The following KCNQ1 variants were observed in gnomAD, a reference collection of about 807,000 sequenced individuals.
KCNQ1 encodes potassium voltage-gated channel subfamily KQT member 1.
In KCNQ1, 49 loss-of-function variants were observed where a neutral mutation model predicts 72.4. The ratio of observed to expected loss-of-function variants is 0.68; its 90% confidence interval spans 0.54 to 0.86. The LOEUF (loss-of-function observed/expected upper bound fraction) is 0.86. Ranked by LOEUF, KCNQ1 falls within the 40% of genes least tolerant of loss-of-function variation. KCNQ1 has a pLI of 0.00. For synonymous variants in KCNQ1, 450 were observed against 412.6 expected, an observed-to-expected ratio of 1.09 and a Z score of -1.10; for missense variants, 790 against 945.1, an observed-to-expected ratio of 0.84 and a Z score of 2.15.
rs201536783 is a variant in KCNQ1, at chr11:2,471,975, TG to T, written c.386+26492del. Among the ~76,000 whole-genome samples the T allele has an allele frequency of 0.022, 3,408 of 152,078 alleles. 43 individuals are homozygous for T. The highest frequency in any genetic ancestry group is 0.036 in the Non-Finnish European group (2,453 of 67,958). ...GTGTGTGTTCATATATATGGGTGTG[TG>T]TGCACCTATGTGTATAAGTGTGTGT... On this transcript the variant is annotated intron_variant, in intron 1 of 15. Coordinates refer to ENST00000155840, the MANE Select transcript of KCNQ1 (RefSeq NM_000218.3). The surrounding 1 kb of genome is among the most constrained non-coding windows in gnomAD (Gnocchi z 4.8).
In KCNQ1 at chr11:2,612,969, T is replaced by C. The variant is rs551608130; in HGVS notation, c.1393+24115T>C. On this transcript the variant is annotated intron_variant, in intron 10 of 15. Transcript: ENST00000155840. This position sits in a 1 kb window ranked among gnomAD's most constrained non-coding sequence, Gnocchi z 5.5. Reference sequence around the variant, plus strand: ...GCAGAGTCTGTGTTCTCCTGCAGTGTGCAGCCACTGGTGTCTTTGCTCAGT... The same window carrying C: ...GCAGAGTCTGTGTTCTCCTGCAGTGCGCAGCCACTGGTGTCTTTGCTCAGT... 2.5e-6 allele frequency: 1 copy of C among 398,664 alleles called. No individual in the cohort carries two copies. The highest frequency in any genetic ancestry group is 4.4e-5 in the Admixed American group (1 of 22,744). The allele number at this position is 398,664 out of a possible 1,614,324, so 24.7% of individuals were successfully genotyped here. A position where few individuals can be genotyped will look rare whatever the true frequency, so the allele number is the denominator to read the frequency against.
At chr11:2,456,957 A>AAACC (rs1564786123) in intron 1 of KCNQ1, among the ~76,000 whole-genome samples, 3 of 122,140 alleles carry the variant, frequency 2.5e-5, no homozygotes, top group African/African-American at 9.6e-5. Context: ...AAAAAAAAAA[A>AAACC]AAAAAAAACC....
At chr11:2,680,486 G>A in intron 11 of KCNQ1, 1 of 397,594 alleles carries the variant, frequency 2.5e-6, no homozygotes, top group Non-Finnish European at 4.4e-6. Flanking sequence ...TTTTTAATTT[G>A]GGCATTTTTT....
intron 1 of KCNQ1, among the ~76,000 whole-genome samples, chr11:2,456,576 A>G (rs1463796604): frequency 2.6e-5 from 4 of 151,998 alleles, no homozygotes; most frequent in African/African-American, 7.2e-5. Context: ...CTAATATTCA[A>G]AGTCTACAAA....
In KCNQ1 at chr11:2,645,430, A is replaced by C. The variant is rs1211218102; in HGVS notation, c.1394-16531A>C. On this transcript the variant is annotated intron_variant, in intron 10 of 15. Coordinates refer to ENST00000155840, the MANE Select transcript of KCNQ1 (RefSeq NM_000218.3). This position sits in a 1 kb window ranked among gnomAD's most constrained non-coding sequence, Gnocchi z 5.8. ...CCTGAGGCCCTCCAGTAATGCAAGA[A>C]TGTACTGACTGTGGTAGGCAGGCAC... The C allele has an allele frequency of 2.5e-6, 1 of 398,568 alleles. No homozygotes were observed. The highest frequency in any genetic ancestry group is 2.1e-5 in the African/African-American group (1 of 48,628). 24.7% of individuals were successfully genotyped at this position (398,568 alleles called of 1,614,324 possible).
At chr11:2,513,706 C>T (rs1377257237) in intron 1 of KCNQ1, among the ~76,000 whole-genome samples, 1 of 152,246 alleles carries the variant, frequency 6.6e-6, no homozygotes, top group Non-Finnish European at 1.5e-5. Context: ...GGCCTCTCTC[C>T]TGAGTTCCAT....
Position 2,562,835 on chromosome 11 carries a change from G to T in KCNQ1, c.478-7793G>T, listed in dbSNP as rs184658838. Among the ~76,000 whole-genome samples the T allele has an allele frequency of 9.2e-5, 14 of 152,258 alleles. No individual in the cohort carries two copies. The East Asian group carries it at 1.7e-3, about 19-fold the overall frequency. ...GGCCCCTTCCACAAAGCTCAGCTCT[G>T]ATCCTTCGTATTTAATCTTCATCTT... is the stretch of plus-strand genomic sequence containing the variant. On this transcript the variant is annotated intron_variant, in intron 2 of 15. Transcript: ENST00000155840. The surrounding 1 kb of genome is among the most constrained non-coding windows in gnomAD (Gnocchi z 7.5).
chr11:2,462,947 G>A lies in KCNQ1; in HGVS notation c.386+17463G>A, dbSNP rs2133584476. 6.6e-6 allele frequency among the ~76,000 whole-genome samples: 1 copy of A among 152,340 alleles called. No individual in the cohort carries two copies. The highest frequency in any genetic ancestry group is 2.1e-4 in the South Asian group (1 of 4,828). ...CTGAGCAGACAGGGAGGGTCTTGGG[G>A]GAAGGCTGTGGGCCCTTGGGTGGAA... On this transcript the variant is annotated intron_variant, in intron 1 of 15. Coordinates refer to ENST00000155840, the MANE Select transcript of KCNQ1 (RefSeq NM_000218.3). This position sits in a 1 kb window ranked among gnomAD's most constrained non-coding sequence, Gnocchi z 8.2.
intron 10 of KCNQ1, chr11:2,639,844 CT>C (rs1849540912): frequency 6.6e-6 from 1 of 152,614 alleles, no homozygotes; most frequent in Non-Finnish European, 1.5e-5. Context: ...CCTCCTTGAG[CT>C]GTGGTGGACT....
rs1366207862 is a variant in KCNQ1 at position 2,585,088 on chromosome 11, G to C, written c.1033-124G>C. 3.5e-6 allele frequency: 3 copies of C among 848,354 alleles called. No individual in the cohort carries two copies. In the Admixed American group the frequency reaches 5.2e-5, roughly 15 times the overall value. The allele number at this position is 848,354 out of a possible 1,614,324, so 52.6% of individuals were successfully genotyped here. ...CAGGCTGGGCCCGAGGTGGGACTTG[G>C]GGGGGCTTCCAGCACTGACCATACC... On this transcript the variant is annotated intron_variant, in intron 7 of 15. Transcript: ENST00000155840.
Position 2,626,964 on chromosome 11 carries a change from C to A in KCNQ1, c.1394-34997C>A. ...GGTTTCTTCTTTCTGCAAATAACATCATTAGGATTTTTATTGGGATTACCT... is the reference window on the plus strand; with the variant it reads ...GGTTTCTTCTTTCTGCAAATAACATAATTAGGATTTTTATTGGGATTACCT... On this transcript the variant is annotated intron_variant, in intron 10 of 15. Transcript: ENST00000155840. The surrounding 1 kb of genome is among the most constrained non-coding windows in gnomAD (Gnocchi z 4.0). 1 of 398,588 alleles carries A rather than the reference C, an allele frequency of 2.5e-6. No homozygotes were observed. Among genetic ancestry groups the A allele is most frequent in the Non-Finnish European group, 4.4e-6 (1 of 226,054 alleles). 24.7% of individuals were successfully genotyped at this position (398,588 alleles called of 1,614,324 possible).
At chr11:2,843,241 C>T (rs575270511) in intron 15 of KCNQ1, among the ~76,000 whole-genome samples, 45 of 152,364 alleles carry the variant, frequency 3.0e-4, no homozygotes, top group South Asian at 2.9e-3. Context: ...CCACGAACCG[C>T]GACCTTACCA....
intron 1 of KCNQ1, among the ~76,000 whole-genome samples, chr11:2,454,229 G>C (rs1201041566): frequency 6.6e-6 from 1 of 152,140 alleles, no homozygotes; most frequent in South Asian, 2.1e-4. Flanking sequence ...TGGCGGGGGG[G>C]GAGGTGGCAT....
chr11:2,524,284 G>T (rs12099017), intron 1 of KCNQ1, among the ~76,000 whole-genome samples: 3,104 of 152,222 alleles, frequency 0.02, 98 homozygotes, highest in African/African-American at 0.063. Context: ...TCATACCGAG[G>T]GTCAAAGGGG....
chr11:2,452,708 A>G (rs1846133777), intron 1 of KCNQ1, among the ~76,000 whole-genome samples: 3 of 152,246 alleles, frequency 2.0e-5, no homozygotes. Flanking sequence ...ATTATAAAAC[A>G]TACAGCTTTG....
chr11:2,506,962 C>T lies in KCNQ1; in HGVS notation c.387-20966C>T, dbSNP rs139778209. 3.3e-5 allele frequency among the ~76,000 whole-genome samples: 5 copies of T among 152,186 alleles called. No individual in the cohort carries two copies. In the East Asian group the frequency reaches 7.7e-4, roughly 23 times the overall value. On this transcript the variant is annotated intron_variant, in intron 1 of 15. Coordinates refer to ENST00000155840, the MANE Select transcript of KCNQ1 (RefSeq NM_000218.3). ...TTTTAAGTCATTTATATTGTGGGAA[C>T]GTTTGTCTGGACTAATGTGAATTGT... is the stretch of plus-strand genomic sequence containing the variant.
intron 11 of KCNQ1, among the ~76,000 whole-genome samples, chr11:2,701,017 G>A (rs1441453857): frequency 6.6e-6 from 1 of 152,212 alleles, no homozygotes; most frequent in Non-Finnish European, 1.5e-5. Context: ...GCAGGACTCT[G>A]GGTATGTTCT....
chr11:2,499,040 C>G (rs139353300), intron 1 of KCNQ1, among the ~76,000 whole-genome samples: 6 of 152,262 alleles, frequency 3.9e-5, no homozygotes, highest in South Asian at 2.1e-4. Flanking sequence ...GTGTGCCCTC[C>G]GTGGGCTGCA....
At chr11:2,802,245 T>A (rs1050488953) in intron 15 of KCNQ1, among the ~76,000 whole-genome samples, 3 of 152,172 alleles carry the variant, frequency 2.0e-5, no homozygotes, top group African/African-American at 7.2e-5. Context: ...GTCGCCTCTG[T>A]CCTCACAGTG....
Sources: gnomAD v4.1 joint callset for allele counts (sites outside exome capture counted in the v4.1 genomes callset) on GRCh38, gnomAD v4.1.1 for gene constraint, Gnocchi (gnomAD v3.1) non-coding constraint, MANE v1.5 for transcripts, NCBI Gene and HGNC (gene_info 2026-07-23, HGNC 2026-07-21) for gene names.